The following UBR3 variants were observed in gnomAD, a reference collection of about 807,000 sequenced individuals.
UBR3 encodes ubiquitin protein ligase E3 component n-recognin 3.
Under a neutral mutation model 243.2 loss-of-function variants are expected in UBR3, and 85 were observed. The observed-to-expected ratio is 0.35, with a 90% CI of 0.29 to 0.42. UBR3 has a LOEUF of 0.42. UBR3 is among the 10% of genes least tolerant of loss of function. The pLI, the probability that UBR3 is intolerant of heterozygous loss-of-function variation, is 1.00. For missense variants in UBR3, 1,686 were observed against 2,300.8 expected (o/e 0.73, Z 5.47); for synonymous variants, 748 against 799.8 (o/e 0.94, Z 1.09).
chr2:170,072,689 G>A (rs1199240310), intron 35 of UBR3, among the ~76,000 whole-genome samples: 1 of 152,056 alleles, frequency 6.6e-6, no homozygotes, highest in African/African-American at 2.4e-5. Context: ...TTCATTAAAT[G>A]GTGTCAGGGA....
intron 11 of UBR3, among the ~76,000 whole-genome samples, chr2:169,915,136 T>G (rs1047799243): frequency 4.6e-5 from 7 of 152,170 alleles, no homozygotes; most frequent in Admixed American, 4.6e-4. Flanking sequence ...CCATGATACC[T>G]TTTATAGAAA....
intron 1 of UBR3, among the ~76,000 whole-genome samples, chr2:169,864,551 G>A (rs1378505749): frequency 6.6e-6 from 1 of 151,718 alleles, no homozygotes; most frequent in South Asian, 2.1e-4. Context: ...ATCACTTGAG[G>A]TCAGGAGTTT....
intron 1 of UBR3, among the ~76,000 whole-genome samples, chr2:169,860,687 A>T (rs1057472233): frequency 5.9e-5 from 9 of 151,880 alleles, no homozygotes; most frequent in African/African-American, 2.2e-4. Context: ...TTTCTCTTGG[A>T]TTGTCTTAGG....
intron 1 of UBR3, among the ~76,000 whole-genome samples, chr2:169,854,886 T>C (rs1048107197): frequency 1.3e-5 from 2 of 152,216 alleles, no homozygotes; most frequent in African/African-American, 2.4e-5. Context: ...TCTTTAATGC[T>C]GGTATTAAAA....
At chr2:170,048,825 T>C (rs933250319) in intron 32 of UBR3, among the ~76,000 whole-genome samples, 2 of 152,136 alleles carry the variant, frequency 1.3e-5, no homozygotes, top group African/African-American at 4.8e-5. Context: ...ATCCATGAAA[T>C]TATGAAGAAG....
intron 1 of UBR3, among the ~76,000 whole-genome samples, chr2:169,829,629 C>T (rs1032018817): frequency 2.0e-5 from 3 of 152,062 alleles, no homozygotes; most frequent in South Asian, 4.2e-4. Flanking sequence ...TTCTCCATGT[C>T]GGTCAGGCTA....
intron 35 of UBR3, among the ~76,000 whole-genome samples, chr2:170,062,561 TCA>T (rs2091476955): frequency 1.3e-5 from 2 of 152,248 alleles, no homozygotes; most frequent in African/African-American, 2.4e-5. Flanking sequence ...ATATTTTCTT[TCA>T]CAGTTTTTAA....
At chr2:169,855,803 CA>C (rs2082824325) in intron 1 of UBR3, among the ~76,000 whole-genome samples, 1 of 152,228 alleles carries the variant, frequency 6.6e-6, no homozygotes, top group Non-Finnish European at 1.5e-5. Context: ...CACACTTCCC[CA>C]CTTTCTATTC....
chr2:169,896,152 A>G (rs756981818), intron 7 of UBR3, among the ~76,000 whole-genome samples: 1 of 152,108 alleles, frequency 6.6e-6, no homozygotes, highest in Non-Finnish European at 1.5e-5. Flanking sequence ...GTTGGGCGTG[A>G]TGGCGTGTGC....
chr2:169,864,838 C>T (rs1392759847), intron 1 of UBR3, among the ~76,000 whole-genome samples: 1 of 143,432 alleles, frequency 7.0e-6, no homozygotes, highest in Non-Finnish European at 1.5e-5. Context: ...ACCTGGGAGG[C>T]GGAGCTTGCA....
intron 11 of UBR3, among the ~76,000 whole-genome samples, chr2:169,920,239 TCTCA>T (rs953642214): frequency 3.9e-5 from 6 of 152,154 alleles, no homozygotes; most frequent in African/African-American, 1.4e-4. Flanking sequence ...CACCGCATGT[TCTCA>T]CTCATAGGTG....
chr2:169,962,364 G>A (rs1251187124), intron 24 of UBR3, among the ~76,000 whole-genome samples: 2 of 151,962 alleles, frequency 1.3e-5, no homozygotes, highest in Non-Finnish European at 2.9e-5. Flanking sequence ...GTGAGCCACT[G>A]CACCTGGTGC....
chr2:169,898,407 T>C (rs576055191), intron 8 of UBR3, among the ~76,000 whole-genome samples: 1 of 152,346 alleles, frequency 6.6e-6, no homozygotes, highest in Non-Finnish European at 1.5e-5. Context: ...CTAGACTCTT[T>C]TCTCAGTACT....
intron 1 of UBR3, among the ~76,000 whole-genome samples, chr2:169,843,241 T>A (rs1322360080): frequency 6.6e-6 from 1 of 152,214 alleles, no homozygotes; most frequent in African/African-American, 2.4e-5. Flanking sequence ...AGAACAGAAA[T>A]TATTTCTTAC....
chr2:169,990,114 T>C (rs1033416922), intron 25 of UBR3, among the ~76,000 whole-genome samples: 3 of 152,208 alleles, frequency 2.0e-5, no homozygotes, highest in Non-Finnish European at 4.4e-5. Flanking sequence ...ACTGATACTT[T>C]ATTGCCATGT....
At chr2:170,031,701 A>G (rs978595696) in intron 31 of UBR3, among the ~76,000 whole-genome samples, 2 of 151,970 alleles carry the variant, frequency 1.3e-5, no homozygotes, top group Admixed American at 1.3e-4. Context: ...AGTAGTCCTC[A>G]GTGCCTGTTG....
chr2:169,891,168 G>T lies in UBR3; in HGVS notation c.1042G>T (p.Asp348Tyr). 1 of 1,548,760 alleles carries T rather than the reference G, an allele frequency of 6.5e-7. No individual in the cohort carries two copies. The highest frequency in any genetic ancestry group is 1.2e-5 in the South Asian group (1 of 83,832). Residue 348 changes from aspartate to tyrosine, a missense_variant, in exon 6 of 39, where the codon GAT becomes TAT. Asp to Tyr is a radical substitution (Grantham distance 160). This residue lies in a region of UBR3 where 200 missense variants were observed against 231.6 expected (regional missense o/e 0.86). Coordinates refer to ENST00000272793, the MANE Select transcript of UBR3 (RefSeq NM_172070.4). ...TGCTAATATTATTTTCCTTCAGGAT[G>T]ATCAGGATGGTAGTCAAGGTCTGGG... ...LGQVDSSDED[D>Y]QDGSQGLGKR...
chr2:170,065,549 C>T (rs543439878), intron 35 of UBR3, among the ~76,000 whole-genome samples: 1 of 152,280 alleles, frequency 6.6e-6, no homozygotes, highest in African/African-American at 2.4e-5. Flanking sequence ...CCCCTCAGCT[C>T]CCAAAGTGCT....
chr2:170,038,832 G>A (rs1039231777), intron 31 of UBR3, among the ~76,000 whole-genome samples: 30 of 152,120 alleles, frequency 2.0e-4, no homozygotes, highest in Non-Finnish European at 4.0e-4. Flanking sequence ...TGCTTTTAGT[G>A]GCAGAAACAG....
Sources: gnomAD v4.1 joint callset for allele counts (sites outside exome capture counted in the v4.1 genomes callset) on GRCh38, gnomAD v4.1.1 for gene constraint, gnomAD v4.1.1 regional missense constraint, MANE v1.5 for transcripts, NCBI Gene and HGNC (gene_info 2026-07-23, HGNC 2026-07-21) for gene names.